TBC1D14: variants seen among roughly 807,000 people sequenced by gnomAD.
TBC1D14 encodes the protein TBC1 domain family member 14.
TBC1D14 carries 26 observed loss-of-function variants against 79.0 expected under a neutral mutation model. That is an observed-to-expected ratio of 0.33 (90% CI 0.24 to 0.46). The LOEUF is 0.46. Among genes scored for constraint, TBC1D14 ranks in the 20% least tolerant of loss-of-function variants. The pLI, the probability that TBC1D14 is intolerant of heterozygous loss-of-function variation, is 1.00. For missense variants in TBC1D14, 769 were observed against 887.6 expected, an observed-to-expected ratio of 0.87 and a Z score of 1.70; for synonymous variants, 394 against 349.9, an observed-to-expected ratio of 1.13 and a Z score of -1.40.
chr4:7,001,662 A>G (rs1214050483), intron 7 of TBC1D14, among the ~76,000 whole-genome samples: 1 of 151,826 alleles, frequency 6.6e-6, no homozygotes. Flanking sequence ...GCCTTGGAGG[A>G]GACAACATAC....
chr4:6,941,182 T>G (rs1347730454), intron 2 of TBC1D14, among the ~76,000 whole-genome samples: 1 of 118,664 alleles, frequency 8.4e-6, no homozygotes, highest in African/African-American at 2.9e-5. Context: ...GAAAGCAGCT[T>G]TTTTTTTTTT....
intron 3 of TBC1D14, among the ~76,000 whole-genome samples, chr4:6,978,066 A>T (rs1716956179): frequency 7.0e-6 from 1 of 142,520 alleles, no homozygotes; most frequent in Admixed American, 6.9e-5. Context: ...TCTGGGAGGG[A>T]GGTGGGGGTC....
chr4:6,925,685 G>T (rs1045639122), intron 2 of TBC1D14, among the ~76,000 whole-genome samples: 5 of 152,186 alleles, frequency 3.3e-5, no homozygotes, highest in Admixed American at 1.3e-4. Context: ...GTAACTCAGC[G>T]ATTGCCCTCA....
At chr4:6,924,221 T>C in intron 2 of TBC1D14, 110 bp downstream of exon 2, 1 of 1,391,336 alleles carries the variant, frequency 7.2e-7, no homozygotes, top group Non-Finnish European at 9.5e-7. Context: ...GCAGGCACTG[T>C]CTCACACAGA....
intron 1 of TBC1D14, among the ~76,000 whole-genome samples, chr4:6,915,362 G>T (rs536185597): frequency 6.6e-6 from 1 of 152,172 alleles, no homozygotes; most frequent in East Asian, 1.9e-4. Flanking sequence ...AGGGGGTTGG[G>T]GGTCACTGCA....
intron 9 of TBC1D14, among the ~76,000 whole-genome samples, chr4:7,009,304 G>C (rs1198496551): frequency 1.3e-5 from 2 of 152,166 alleles, no homozygotes; most frequent in African/African-American, 2.4e-5. Flanking sequence ...TTGACTTTTT[G>C]GAAGCAGTTA....
intron 1 of TBC1D14, among the ~76,000 whole-genome samples, chr4:6,919,911 G>A (rs1023169669): frequency 2.0e-4 from 30 of 152,288 alleles, no homozygotes; most frequent in South Asian, 2.1e-4. Flanking sequence ...GAGCCACCGT[G>A]CCCGGCCTAT....
intron 9 of TBC1D14, 101 bp downstream of exon 9, chr4:7,006,827 T>G: frequency 9.6e-7 from 1 of 1,041,092 alleles, no homozygotes; most frequent in Non-Finnish European, 1.4e-6. Flanking sequence ...TACTTGGGTT[T>G]TTGGGGGTGT....
intron 2 of TBC1D14, among the ~76,000 whole-genome samples, chr4:6,935,743 G>A (rs1202544156): frequency 2.0e-5 from 3 of 151,374 alleles, no homozygotes; most frequent in African/African-American, 7.3e-5. Flanking sequence ...TCCCAGGTTC[G>A]AGCGATTCTC....
At chr4:7,018,931 C>T (rs1294821914) in intron 12 of TBC1D14, among the ~76,000 whole-genome samples, 5 of 152,186 alleles carry the variant, frequency 3.3e-5, no homozygotes, top group Non-Finnish European at 7.4e-5. Flanking sequence ...ACAAAAGAAT[C>T]GGGGACTACA....
chr4:6,989,290 G>C (rs937073108), intron 3 of TBC1D14, among the ~76,000 whole-genome samples: 1 of 152,146 alleles, frequency 6.6e-6, no homozygotes, highest in East Asian at 1.9e-4. Context: ...CTCTCCTGGG[G>C]CTTGTCCCAG....
intron 3 of TBC1D14, among the ~76,000 whole-genome samples, chr4:6,968,484 C>T (rs559347774): frequency 8.5e-5 from 13 of 152,302 alleles, no homozygotes; most frequent in South Asian, 4.1e-4. Context: ...ACTCAGTTTA[C>T]CAAAGAAGCA....
At chr4:6,939,648 C>T (rs4234788) in intron 2 of TBC1D14, among the ~76,000 whole-genome samples, 130,522 of 151,614 alleles carry the variant, frequency 0.86, 56,418 homozygotes, top group East Asian at 0.98. Context: ...AAGCACCCAA[C>T]GGCAAGATAG....
chr4:6,991,965 G>A (rs1243740515), intron 3 of TBC1D14, among the ~76,000 whole-genome samples: 1 of 152,184 alleles, frequency 6.6e-6, no homozygotes, highest in Non-Finnish European at 1.5e-5. Context: ...ACTTGGCAGG[G>A]CTCCTAGATT....
intron 3 of TBC1D14, among the ~76,000 whole-genome samples, chr4:6,980,322 G>A (rs531331915): frequency 7.2e-5 from 11 of 152,226 alleles, no homozygotes; most frequent in African/African-American, 2.6e-4. Context: ...AAGTCACAAG[G>A]AAAATTAGAA....
intron 13 of TBC1D14, among the ~76,000 whole-genome samples, chr4:7,028,888 A>C (rs2108758743): frequency 6.6e-6 from 1 of 151,450 alleles, no homozygotes; most frequent in East Asian, 1.9e-4. Flanking sequence ...CCGAGACTGG[A>C]GTGCAGTGGT....
intron 3 of TBC1D14, among the ~76,000 whole-genome samples, chr4:6,993,516 C>T (rs756113185): frequency 2.6e-5 from 4 of 152,036 alleles, no homozygotes; most frequent in Non-Finnish European, 4.4e-5. Flanking sequence ...TCCCAGTGGC[C>T]GTGATAATAA....
Position 7,026,853 on chromosome 4 carries a change from C to T in TBC1D14, c.2016+1591C>T, listed in dbSNP as rs146065745. Among the ~76,000 whole-genome samples the T allele has an allele frequency of 7.2e-4, 110 of 152,090 alleles. 1 individual carries two copies. Among genetic ancestry groups the T allele is most frequent in the Non-Finnish European group, 1.1e-3 (73 of 67,986 alleles). ...TCAAGGCTGCACTGGGCTGTGATTG[C>T]GGCACTGTGCTTCAGCCTAGGCAAC... On this transcript the variant is annotated intron_variant, in intron 13 of 13. Coordinates refer to ENST00000409757, the MANE Select transcript of TBC1D14 (RefSeq NM_020773.3).
intron 2 of TBC1D14, among the ~76,000 whole-genome samples, chr4:6,961,146 C>T (rs754344807): frequency 3.9e-5 from 6 of 152,160 alleles, no homozygotes; most frequent in Non-Finnish European, 5.9e-5. Context: ...ATTGGAGAAA[C>T]GCCCCAGGGA....
Sources: gnomAD v4.1 joint callset for allele counts (sites outside exome capture counted in the v4.1 genomes callset) on GRCh38, gnomAD v4.1.1 for gene constraint, MANE v1.5 for transcripts, NCBI Gene and HGNC (gene_info 2026-07-23, HGNC 2026-07-21) for gene names.